The following CFAP58 variants were observed in gnomAD, a reference collection of about 807,000 sequenced individuals.
The protein encoded by CFAP58 is cilia- and flagella-associated protein 58.
Under a neutral mutation model 119.5 loss-of-function variants are expected in CFAP58, and 88 were observed. The ratio of observed to expected loss-of-function variants is 0.74; its 90% confidence interval spans 0.62 to 0.88. CFAP58 has a LOEUF of 0.88. CFAP58 is among the 40% of genes least tolerant of loss of function. The pLI, the probability that CFAP58 is intolerant of heterozygous loss-of-function variation, is 0.00. For synonymous variants in CFAP58, 365 were observed against 366.3 expected (o/e 1.00, Z 0.04); for missense variants, 990 against 1,021.2 (o/e 0.97, Z 0.42).
chr10:104,407,891 T>G (rs2012391791), intron 15 of CFAP58, among the ~76,000 whole-genome samples: 1 of 152,160 alleles, frequency 6.6e-6, no homozygotes, highest in Non-Finnish European at 1.5e-5. Flanking sequence ...GAGATGGGGT[T>G]TCACCATGTT....
chr10:104,370,836 TC>T, intron 6 of CFAP58, 58 bp from the exon 7 acceptor site: 1 of 1,479,098 alleles, frequency 6.8e-7, no homozygotes, highest in Non-Finnish European at 9.2e-7. Context: ...TTTACCATCA[TC>T]CAGTTCCTGG....
intron 11 of CFAP58, among the ~76,000 whole-genome samples, chr10:104,397,341 A>G (rs1343169279): frequency 2.0e-5 from 3 of 152,210 alleles, no homozygotes; most frequent in African/African-American, 7.2e-5. Flanking sequence ...GCTTATCCCT[A>G]GACCAAAACA....
At chr10:104,384,232 G>C (rs1376769675) in intron 9 of CFAP58, among the ~76,000 whole-genome samples, 1 of 152,152 alleles carries the variant, frequency 6.6e-6, no homozygotes, top group Non-Finnish European at 1.5e-5. Context: ...CATACAAAAA[G>C]GACTGGAGAC....
chr10:104,376,400 G>T (rs1271439227), intron 7 of CFAP58, among the ~76,000 whole-genome samples: 1 of 150,836 alleles, frequency 6.6e-6, no homozygotes, highest in African/African-American at 2.4e-5. Context: ...AGCTGCTCGA[G>T]AGGTTGAGGC....
intron 9 of CFAP58, among the ~76,000 whole-genome samples, chr10:104,380,939 C>T (rs747156452): frequency 5.9e-5 from 9 of 152,114 alleles, no homozygotes; most frequent in Non-Finnish European, 1.2e-4. Flanking sequence ...AGCTTGAGGC[C>T]AGGAGTTTGA....
At chr10:104,386,815 A>T (rs1383013784) in intron 9 of CFAP58, among the ~76,000 whole-genome samples, 1 of 152,166 alleles carries the variant, frequency 6.6e-6, no homozygotes, top group South Asian at 2.1e-4. Context: ...CTAACAATAT[A>T]TTTACTTGTG....
At chr10:104,413,287 T>C (rs1410658292) in intron 15 of CFAP58, among the ~76,000 whole-genome samples, 1 of 152,196 alleles carries the variant, frequency 6.6e-6, no homozygotes. Flanking sequence ...ATCTGTAAAC[T>C]TGATGCAACC....
At position 104,360,220 on chromosome 10, in the gene CFAP58, T is replaced by G. The variant is rs571916438; in HGVS notation, c.291+1598T>G. Among the ~76,000 whole-genome samples the G allele has an allele frequency of 4.4e-4, 67 of 152,330 alleles. 1 individual carries two copies. The South Asian group carries it at 0.013, about 31-fold the overall frequency. On this transcript the variant is annotated intron_variant, in intron 2 of 17. Transcript: ENST00000369704. ...AGAATTTTGCAAGAAAGTTAAGTAGTGGCCTAAAACTCAAAGCTGTTGTGT... is the reference window on the plus strand; with the variant it reads ...AGAATTTTGCAAGAAAGTTAAGTAGGGGCCTAAAACTCAAAGCTGTTGTGT...
Position 104,368,492 on chromosome 10 carries a change from A to G in CFAP58, c.862A>G (p.Asn288Asp). The G allele has an allele frequency of 1.2e-6, 2 of 1,614,026 alleles. No homozygotes were observed. Among genetic ancestry groups the G allele is most frequent in the Non-Finnish European group, 1.7e-6 (2 of 1,179,926 alleles). The change falls in exon 6 of 18, where the codon AAT (asparagine) becomes GAT (aspartate). Residue 288 changes from asparagine to aspartate, a missense_variant. Physicochemically the swap from Asn to Asp is conservative, Grantham distance 23 (BLOSUM62 1). Coordinates refer to ENST00000369704, the MANE Select transcript of CFAP58 (RefSeq NM_001008723.2). Reference sequence around the variant, plus strand: ...GAGAAATGCTAAACTTCAGCAAGAGAATGAACAGCACAGTTTGGTCTGTGA... The same window carrying G: ...GAGAAATGCTAAACTTCAGCAAGAGGATGAACAGCACAGTTTGGTCTGTGA... ...QMRNAKLQQE[N>D]EQHSLVCEQL...
At chr10:104,428,878 A>AGATCAGGCCG (rs2012796648) in intron 15 of CFAP58, among the ~76,000 whole-genome samples, 2 of 152,210 alleles carry the variant, frequency 1.3e-5, no homozygotes, top group African/African-American at 4.8e-5. Context: ...AGATCAGGCC[A>AGATCAGGCCG]TCTGCCGAGC....
chr10:104,361,949 A>G, intron 2 of CFAP58, 74 bp from the exon 3 acceptor site: 1 of 1,415,972 alleles, frequency 7.1e-7, no homozygotes, highest in Non-Finnish European at 9.8e-7. Flanking sequence ...TCATGGTATT[A>G]TTCTGTTTGC....
chr10:104,371,884 G>T (rs948193285), intron 7 of CFAP58, among the ~76,000 whole-genome samples: 1 of 152,162 alleles, frequency 6.6e-6, no homozygotes, highest in Non-Finnish European at 1.5e-5. Context: ...AGTACGTGAG[G>T]CAGGAACATC....
At chr10:104,432,678 T>G (rs1031474933) in intron 15 of CFAP58, among the ~76,000 whole-genome samples, 1 of 152,152 alleles carries the variant, frequency 6.6e-6, no homozygotes, top group African/African-American at 2.4e-5. Context: ...AATTTTTGTA[T>G]TTTTAGTAGA....
At chr10:104,383,985 G>T (rs1360704404) in intron 9 of CFAP58, among the ~76,000 whole-genome samples, 1 of 152,060 alleles carries the variant, frequency 6.6e-6, no homozygotes, top group African/African-American at 2.4e-5. Context: ...ATAAGAAATG[G>T]AGAGATTTAT....
intron 9 of CFAP58, 133 bp downstream of exon 9, chr10:104,380,353 C>A: frequency 2.4e-6 from 2 of 843,096 alleles, no homozygotes; most frequent in Non-Finnish European, 1.8e-6. Context: ...TTGGGAGGAA[C>A]GATGTGGACA....
At chr10:104,436,934 G>T (rs1428634554) in intron 15 of CFAP58, among the ~76,000 whole-genome samples, 3 of 152,196 alleles carry the variant, frequency 2.0e-5, no homozygotes, top group Non-Finnish European at 4.4e-5. Flanking sequence ...TCACCTTTAT[G>T]ACTTTGATTG....
chr10:104,426,396 CA>C (rs34013114), intron 15 of CFAP58, among the ~76,000 whole-genome samples: 4,206 of 151,980 alleles, frequency 0.028, 220 homozygotes, highest in African/African-American at 0.097. Context: ...GGGGACCATT[CA>C]CCATACCACA....
chr10:104,435,313 C>T (rs2012915740), intron 15 of CFAP58, among the ~76,000 whole-genome samples: 1 of 152,210 alleles, frequency 6.6e-6, no homozygotes, highest in East Asian at 1.9e-4. Context: ...AAAACCCCAT[C>T]TCTACCAAAA....
chr10:104,387,503 C>T (rs2011948162), intron 9 of CFAP58, among the ~76,000 whole-genome samples: 1 of 152,182 alleles, frequency 6.6e-6, no homozygotes, highest in African/African-American at 2.4e-5. Flanking sequence ...GCACTTCTCT[C>T]TTTAGGTTGT....
Sources: gnomAD v4.1 joint callset for allele counts (sites outside exome capture counted in the v4.1 genomes callset) on GRCh38, gnomAD v4.1.1 for gene constraint, MANE v1.5 for transcripts, NCBI Gene and HGNC (gene_info 2026-07-23, HGNC 2026-07-21) for gene names.